PRKAR1A: variants seen among roughly 807,000 people sequenced by gnomAD.
PRKAR1A encodes the protein protein kinase cAMP-dependent type I regulatory subunit alpha.
Under a neutral mutation model 52.0 loss-of-function variants are expected in PRKAR1A, and 3 were observed. The ratio of observed to expected loss-of-function variants is 0.06; its 90% CI spans 0.03 to 0.15. The LOEUF (loss-of-function observed/expected upper bound fraction) is 0.15. Among genes scored for constraint, PRKAR1A ranks in the 10% least tolerant of loss-of-function variants. PRKAR1A has a pLI of 1.00. For missense variants in PRKAR1A, 240 were observed against 477.4 expected (o/e 0.50, Z 4.63); for synonymous variants, 188 against 168.4 (o/e 1.12, Z -0.90).
the PRKAR1A span, chr17:68,426,254 G>GGCCCC: frequency 3.7e-6 from 3 of 816,914 alleles, no homozygotes; most frequent in Non-Finnish European, 3.9e-6. Context: ...GGGAGCGGGG[G>GGCCCC]CTCAAATAAA....
chr17:68,495,947 T>C, the PRKAR1A span, among the ~76,000 whole-genome samples: 42 of 127,948 alleles, frequency 3.3e-4, no homozygotes, highest in African/African-American at 1.2e-3. Context: ...TTCCTTTCCT[T>C]TCCTTTCCTC....
the PRKAR1A span, chr17:68,424,406 G>C: frequency 9.4e-6 from 5 of 533,050 alleles, no homozygotes; most frequent in Non-Finnish European, 1.2e-5. Context: ...GGGTTCCACG[G>C]ATCTGCGGGA....
chr17:68,417,733 A>ATTTTTTTTTT, the PRKAR1A span, among the ~76,000 whole-genome samples: 175 of 60,832 alleles, frequency 2.9e-3, 30 homozygotes, highest in Non-Finnish European at 3.8e-3. Flanking sequence ...GAGTTGCTGA[A>ATTTTTTTTTT]TTTTTTTTTT....
the PRKAR1A span, among the ~76,000 whole-genome samples, chr17:68,477,597 A>T: frequency 2.6e-5 from 4 of 151,884 alleles, no homozygotes; most frequent in Non-Finnish European, 4.4e-5. Flanking sequence ...TCAAATTCAG[A>T]TTCAGTGCTT....
At chr17:68,428,785 G>A in the PRKAR1A span, 13 of 1,480,374 alleles carry the variant, frequency 8.8e-6, no homozygotes, top group Admixed American at 3.4e-5. Context: ...AACTCTACAC[G>A]ACCAGCTCTC....
At chr17:68,520,001 G>C (rs189117674) in intron 2 of PRKAR1A, among the ~76,000 whole-genome samples, 51 of 152,360 alleles carry the variant, frequency 3.3e-4, no homozygotes, top group African/African-American at 1.2e-3. Context: ...CCAAATTTCA[G>C]TGGTTACTAC....
At chr17:68,461,245 C>T in the PRKAR1A span, among the ~76,000 whole-genome samples, 10 of 152,182 alleles carry the variant, frequency 6.6e-5, no homozygotes, top group South Asian at 4.2e-4. The surrounding 1 kb of genome is among the most constrained non-coding windows in gnomAD (Gnocchi z 4.6). Flanking sequence ...AAAACTTACT[C>T]GTAAGTAACT....
the PRKAR1A span, chr17:68,420,118 G>A: frequency 1.3e-5 from 20 of 1,532,792 alleles, no homozygotes; most frequent in Admixed American, 3.7e-5. Context: ...AGAATCACTC[G>A]CAGCTCTCGT....
chr17:68,429,533 T>C, the PRKAR1A span, among the ~76,000 whole-genome samples: 97 of 152,308 alleles, frequency 6.4e-4, no homozygotes, highest in African/African-American at 2.2e-3. Flanking sequence ...GAATCCGTAT[T>C]GAAGTCAGAT....
At chr17:68,441,425 G>A in the PRKAR1A span, among the ~76,000 whole-genome samples, 2 of 152,230 alleles carry the variant, frequency 1.3e-5, no homozygotes, top group African/African-American at 4.8e-5. Context: ...GAGTGATTGT[G>A]TCTTCCTTCT....
the PRKAR1A span, among the ~76,000 whole-genome samples, chr17:68,448,857 G>A: frequency 6.6e-6 from 1 of 152,164 alleles, no homozygotes; most frequent in South Asian, 2.1e-4. Flanking sequence ...CCTTCAATCA[G>A]AAAACTCTCA....
At chr17:68,539,420 T>C (rs983444175) in intron 11 of PRKAR1A, 1 of 1,612,006 alleles carries the variant, frequency 6.2e-7, no homozygotes, top group Non-Finnish European at 8.5e-7. Context: ...CAGGCTTTTA[T>C]GGGTGGCCGG....
At chr17:68,537,538 A>G (rs369157703), downstream of PRKAR1A, 11 of 1,613,718 alleles carry the variant, frequency 6.8e-6, no homozygotes, top group African/African-American at 8.0e-5. This position sits in a 1 kb window ranked among gnomAD's most constrained non-coding sequence, Gnocchi z 4.2. Context: ...GCCGTCGACT[A>G]TGACACTCTG....
At chr17:68,466,037 T>C in the PRKAR1A span, among the ~76,000 whole-genome samples, 1 of 152,288 alleles carries the variant, frequency 6.6e-6, no homozygotes, top group East Asian at 1.9e-4. Flanking sequence ...GGAGATTGGT[T>C]GTCAGTGTAA....
At chr17:68,542,633 G>T in intron 11 of PRKAR1A, 2 of 1,252,060 alleles carry the variant, frequency 1.6e-6, no homozygotes, top group South Asian at 1.2e-5. Flanking sequence ...TGAATGGAGG[G>T]GTGGACACTC....
At chr17:68,517,615 A>G (rs1288397340) in intron 2 of PRKAR1A, among the ~76,000 whole-genome samples, 4 of 152,150 alleles carry the variant, frequency 2.6e-5, no homozygotes, top group Non-Finnish European at 5.9e-5. Flanking sequence ...TGATTAAGTT[A>G]CCTCCCACCA....
chr17:68,543,232 G>C (rs2086389004), intron 11 of PRKAR1A, among the ~76,000 whole-genome samples: 1 of 152,072 alleles, frequency 6.6e-6, no homozygotes, highest in Non-Finnish European at 1.5e-5. Context: ...ACCACACTTT[G>C]GGTAGCAATG....
the PRKAR1A span, among the ~76,000 whole-genome samples, chr17:68,437,003 A>ATATATATATATATAT: frequency 6.6e-5 from 4 of 60,332 alleles, no homozygotes; most frequent in Admixed American, 1.9e-4. Context: ...CAAAAAAAAA[A>ATATATATATATATAT]AAATATATAT....
At chr17:68,428,380 C>T in the PRKAR1A span, 4 of 172,822 alleles carry the variant, frequency 2.3e-5, no homozygotes, top group African/African-American at 9.6e-5. Context: ...AGGTGTGTGC[C>T]ACCACAACCG....
Sources: gnomAD v4.1 joint callset for allele counts (sites outside exome capture counted in the v4.1 genomes callset) on GRCh38, gnomAD v4.1.1 for gene constraint, Gnocchi (gnomAD v3.1) non-coding constraint, MANE v1.5 for transcripts, NCBI Gene and HGNC (gene_info 2026-07-23, HGNC 2026-07-21) for gene names.